ZMIZ1: variants seen among roughly 807,000 people sequenced by gnomAD.
ZMIZ1 encodes zinc finger MIZ domain-containing protein 1.
ZMIZ1 carries 17 observed loss-of-function variants against 113.9 expected under a neutral mutation model. The ratio of observed to expected loss-of-function variants is 0.15; its 90% CI spans 0.10 to 0.22. The LOEUF (loss-of-function observed/expected upper bound fraction) is 0.22, where lower values mean the gene tolerates loss of function less well. Ranked by LOEUF, ZMIZ1 falls within the 10% of genes least tolerant of loss-of-function variation. The probability of loss-of-function intolerance (pLI) is 1.00; values close to 1 mark genes in which losing one functional copy is unlikely to be tolerated. For missense variants in ZMIZ1, 1,059 were observed against 1,477.8 expected (o/e 0.72, Z 4.65); for synonymous variants, 607 against 603.1 (o/e 1.01, Z -0.09).
At chr10:79,272,884 G>A (rs781550234) in intron 7 of ZMIZ1, among the ~76,000 whole-genome samples, 1 of 152,230 alleles carries the variant, frequency 6.6e-6, no homozygotes, top group Non-Finnish European at 1.5e-5. Context: ...ATTCCCTGCT[G>A]CTGTCCCAGC....
At chr10:79,291,684 G>A (rs551434828) in intron 10 of ZMIZ1, among the ~76,000 whole-genome samples, 20 of 152,180 alleles carry the variant, frequency 1.3e-4, no homozygotes, top group South Asian at 4.1e-4. Flanking sequence ...GGTGTGAGGC[G>A]AGCAGAGGTG....
chr10:79,128,427 C>A (rs2132359688), intron 2 of ZMIZ1, among the ~76,000 whole-genome samples: 1 of 152,324 alleles, frequency 6.6e-6, no homozygotes, highest in African/African-American at 2.4e-5. Flanking sequence ...GTGACCATAG[C>A]ACATTTCCAA....
intron 22 of ZMIZ1, 34 bp downstream of exon 22, chr10:79,306,378 G>A: frequency 6.3e-7 from 1 of 1,599,744 alleles, no homozygotes; most frequent in Non-Finnish European, 8.5e-7. Flanking sequence ...AAGGGAGAAG[G>A]AGGGCAGCCC....
intron 4 of ZMIZ1, among the ~76,000 whole-genome samples, chr10:79,171,133 A>C (rs1846582621): frequency 6.6e-6 from 1 of 152,070 alleles, no homozygotes; most frequent in African/African-American, 2.4e-5. Flanking sequence ...CAGAAATGAA[A>C]AGGCTCTCAC....
intron 1 of ZMIZ1, among the ~76,000 whole-genome samples, chr10:79,104,559 G>C (rs1360014465): frequency 6.6e-6 from 1 of 152,220 alleles, no homozygotes; most frequent in Non-Finnish European, 1.5e-5. Context: ...CCAACTCAGT[G>C]CCTGGTCGTA....
At position 79,290,572 on chromosome 10, in the gene ZMIZ1, C is replaced by T. The variant is rs868099033; in HGVS notation, c.541-387C>T. On this transcript the variant is annotated intron_variant, in intron 9 of 24. Transcript: ENST00000334512. ...GCCTTGGGGCCCCTGTGTGACAAGACGCTGGCATCCAGGCTCGTTTGTGGG... is the reference window on the plus strand; with the variant it reads ...GCCTTGGGGCCCCTGTGTGACAAGATGCTGGCATCCAGGCTCGTTTGTGGG... Among the ~76,000 whole-genome samples the T allele has an allele frequency of 9.9e-5, 15 of 152,158 alleles. No individual in the cohort carries two copies. The South Asian group carries it at 1.2e-3, about 13-fold the overall frequency.
At chr10:79,201,458 AG>A in intron 4 of ZMIZ1, 125 bp from the exon 5 acceptor site, 1 of 699,572 alleles carries the variant, frequency 1.4e-6, no homozygotes, top group Non-Finnish European at 2.5e-6. Flanking sequence ...CCCCAGGTGC[AG>A]CCCCACAGGG....
intron 5 of ZMIZ1, among the ~76,000 whole-genome samples, chr10:79,204,508 C>T (rs1848231481): frequency 6.6e-6 from 1 of 152,236 alleles, no homozygotes; most frequent in Non-Finnish European, 1.5e-5. Flanking sequence ...TGAGCTTGAA[C>T]ACTTCCTGGG....
rs140806511 is a variant in ZMIZ1 at position 79,159,101 on chromosome 10, G to T, written c.-130-2952G>T. Among the ~76,000 whole-genome samples, 346 of 152,370 alleles carry T rather than the reference G, an allele frequency of 2.3e-3. 4 individuals carry two copies. Among genetic ancestry groups the T allele is most frequent in the African/African-American group, 8.0e-3 (331 of 41,592 alleles). On this transcript the variant is annotated intron_variant, in intron 3 of 24. Coordinates refer to ENST00000334512, the MANE Select transcript of ZMIZ1 (RefSeq NM_020338.4). ...CTGAGCATTGGGGTCCCTGCCTCAT[G>T]GGGAGATTGGGTGGGCTTCCACTGG... is the stretch of plus-strand genomic sequence containing the variant.
At chr10:79,268,768 G>C (rs1414646211) in intron 7 of ZMIZ1, among the ~76,000 whole-genome samples, 2 of 152,166 alleles carry the variant, frequency 1.3e-5, no homozygotes, top group African/African-American at 4.8e-5. Context: ...GATACAGATT[G>C]GAAAGAGGTA....
At chr10:79,198,826 G>C (rs1400658743) in intron 4 of ZMIZ1, among the ~76,000 whole-genome samples, 3 of 152,170 alleles carry the variant, frequency 2.0e-5, no homozygotes, top group Non-Finnish European at 4.4e-5. Flanking sequence ...CTGAGGTCGG[G>C]AGTTCGAGAC....
At chr10:79,133,208 T>C (rs1844849175) in intron 2 of ZMIZ1, among the ~76,000 whole-genome samples, 1 of 152,182 alleles carries the variant, frequency 6.6e-6, no homozygotes, top group Non-Finnish European at 1.5e-5. Context: ...TGCAGGTCCT[T>C]TGGCTACTTC....
At chr10:79,280,998 C>G (rs1261930305) in intron 8 of ZMIZ1, among the ~76,000 whole-genome samples, 2 of 152,232 alleles carry the variant, frequency 1.3e-5, no homozygotes, top group East Asian at 3.8e-4. Context: ...TCCTATGTGT[C>G]ATGACCTTCC....
intron 8 of ZMIZ1, among the ~76,000 whole-genome samples, chr10:79,288,195 C>T (rs1294836257): frequency 6.6e-6 from 1 of 152,218 alleles, no homozygotes. Context: ...AGAGCTCAGC[C>T]GGGCAAGGCA....
At chr10:79,122,926 GGA>G (rs758845862) in intron 2 of ZMIZ1, among the ~76,000 whole-genome samples, 3 of 152,170 alleles carry the variant, frequency 2.0e-5, no homozygotes, top group Non-Finnish European at 4.4e-5. Context: ...CCCTGGCCCA[GGA>G]GAGGTATGTG....
intron 4 of ZMIZ1, 43 bp from the exon 5 acceptor site, chr10:79,201,541 G>A (rs1197494541): frequency 4.1e-5 from 61 of 1,470,530 alleles, no homozygotes; most frequent in Non-Finnish European, 5.6e-5. Flanking sequence ...AAGGTTGGCA[G>A]GCCTGGCGTG....
rs78892539 is a variant in ZMIZ1 at position 79,124,810 on chromosome 10, G to A, written c.-227+5786G>A. Reference sequence around the variant, plus strand: ...TGGCATGGGTCAGGGCAGTCCGGCTGGGGAGGAAGATTCATTCAGCCACAG... The same window carrying A: ...TGGCATGGGTCAGGGCAGTCCGGCTAGGGAGGAAGATTCATTCAGCCACAG... On this transcript the variant is annotated intron_variant, in intron 2 of 24. Transcript: ENST00000334512. Among the ~76,000 whole-genome samples, 905 of 152,330 alleles carry A rather than the reference G, an allele frequency of 5.9e-3. 8 individuals carry two copies. The highest frequency in any genetic ancestry group is 0.021 in the African/African-American group (872 of 41,562).
chr10:79,293,244 C>T, intron 11 of ZMIZ1, 137 bp from the exon 12 acceptor site: 3 of 1,277,800 alleles, frequency 2.3e-6, no homozygotes, highest in South Asian at 1.6e-5. Context: ...GGTTGGTCAC[C>T]AGTCACTGCC....
chr10:79,070,480 A>G (rs1342229993), intron 1 of ZMIZ1, among the ~76,000 whole-genome samples: 1 of 141,626 alleles, frequency 7.1e-6, no homozygotes, highest in Non-Finnish European at 1.6e-5. Flanking sequence ...CACTCCAGGA[A>G]TGTAAACAAC....
Sources: gnomAD v4.1 joint callset for allele counts (sites outside exome capture counted in the v4.1 genomes callset) on GRCh38, gnomAD v4.1.1 for gene constraint, MANE v1.5 for transcripts, NCBI Gene and HGNC (gene_info 2026-07-23, HGNC 2026-07-21) for gene names.